The following PDLIM1 variants were observed in gnomAD, a reference collection of about 807,000 sequenced individuals.
PDLIM1 encodes the protein PDZ and LIM domain protein 1.
Under a neutral mutation model 35.2 loss-of-function variants are expected in PDLIM1, and 25 were observed. The observed-to-expected ratio is 0.71, with a 90% CI of 0.52 to 0.99. The LOEUF (loss-of-function observed/expected upper bound fraction) is 0.99. Ranked by LOEUF, PDLIM1 falls within the 50% of genes least tolerant of loss-of-function variation. The probability of loss-of-function intolerance (pLI) is 0.00; values close to 1 mark genes in which losing one functional copy is unlikely to be tolerated. For synonymous variants in PDLIM1, 152 were observed against 154.0 expected (o/e 0.99, Z 0.10); for missense variants, 363 against 415.3 (o/e 0.87, Z 1.09).
chr10:95,277,886 T>G (rs2035526534), intron 1 of PDLIM1, among the ~76,000 whole-genome samples: 1 of 152,218 alleles, frequency 6.6e-6, no homozygotes, highest in South Asian at 2.1e-4. Flanking sequence ...GAAGTTTAAC[T>G]GCACTTCTAA....
chr10:95,253,435 A>G (rs11594748), intron 4 of PDLIM1, among the ~76,000 whole-genome samples: 35,255 of 152,180 alleles, frequency 0.23, 4,674 homozygotes, highest in Non-Finnish European at 0.31. Context: ...ATGGTGGCTC[A>G]CCTGAGGTGA....
rs748836350 is a variant in PDLIM1 at position 95,290,929 on chromosome 10, C to T, written c.-14G>A. On this transcript the variant is annotated 5_prime_UTR_variant, in exon 1 of 7. Transcript: ENST00000329399. The surrounding 1 kb of genome is among the most constrained non-coding windows in gnomAD (Gnocchi z 4.7). ...CTGGGTGGTCATGGCGCGGCTGTGG[C>T]GGGCGACGACCCGCGGGGACAGACG... 3.3e-6 allele frequency: 5 copies of T among 1,520,296 alleles called. No individual in the cohort carries two copies. The South Asian group carries it at 6.0e-5, about 18-fold the overall frequency. The allele number at this position is 1,520,296 out of a possible 1,614,324, so 94.2% of individuals were successfully genotyped here.
intron 3 of PDLIM1, among the ~76,000 whole-genome samples, chr10:95,265,369 C>T (rs1392768383): frequency 4.0e-5 from 6 of 150,210 alleles, no homozygotes; most frequent in Non-Finnish European, 5.9e-5. Context: ...CCGAGGCGGG[C>T]GGATCACCTG....
At position 95,258,065 on chromosome 10, in the gene PDLIM1, A is replaced by G. The variant is rs370445665; in HGVS notation, c.533+5799T>C. 7.2e-5 allele frequency among the ~76,000 whole-genome samples: 11 copies of G among 152,328 alleles called. No homozygotes were observed. In the East Asian group the frequency reaches 1.7e-3, roughly 24 times the overall value. ...AGCAAGTCACATCTTACATGGATGGAGCAGGCAAAGAGAGAGAGAGCTGGT... is the reference window on the plus strand; with the variant it reads ...AGCAAGTCACATCTTACATGGATGGGGCAGGCAAAGAGAGAGAGAGCTGGT... On this transcript the variant is annotated intron_variant, in intron 4 of 6. Coordinates refer to ENST00000329399, the MANE Select transcript of PDLIM1 (RefSeq NM_020992.4).
At chr10:95,242,066 C>T (rs1282482063) in intron 5 of PDLIM1, among the ~76,000 whole-genome samples, 1 of 152,190 alleles carries the variant, frequency 6.6e-6, no homozygotes, top group African/African-American at 2.4e-5. Context: ...GGAACCGATG[C>T]ACACAGATGT....
chr10:95,289,364 C>A (rs941566873), intron 1 of PDLIM1, among the ~76,000 whole-genome samples: 3 of 152,134 alleles, frequency 2.0e-5, no homozygotes, highest in African/African-American at 4.8e-5. Context: ...ACAGTTCCTG[C>A]GCTTGAGGAA....
intron 5 of PDLIM1, among the ~76,000 whole-genome samples, chr10:95,245,827 G>A (rs549389452): frequency 2.9e-4 from 44 of 152,300 alleles, no homozygotes; most frequent in Middle Eastern, 3.4e-3. Flanking sequence ...TCACACAAAT[G>A]GGGAGGAAGC....
chr10:95,251,234 CTT>C (rs5787127), intron 4 of PDLIM1, among the ~76,000 whole-genome samples: 15 of 143,060 alleles, frequency 1.0e-4, no homozygotes, highest in East Asian at 2.1e-4. Context: ...ATATAAGGGG[CTT>C]TTTTTTTTTT....
In PDLIM1 at chr10:95,262,008, CAA is replaced by C. The variant is rs11344355; in HGVS notation, c.533+1854_533+1855del. On this transcript the variant is annotated intron_variant, in intron 4 of 6. Coordinates refer to ENST00000329399, the MANE Select transcript of PDLIM1 (RefSeq NM_020992.4). ...AGGCAACAAGAGTGAAACTCCGTCT[CAA>C]AAAAAAAAAAAAAGAAAGAAAGAAA... Among the ~76,000 whole-genome samples the C allele has an allele frequency of 6.4e-3, 763 of 119,964 alleles. 5 individuals carry two copies. The highest frequency in any genetic ancestry group is 0.02 in the African/African-American group (619 of 30,928). 78.7% of individuals were successfully genotyped at this position (119,964 alleles called of 152,430 possible). A position where few individuals can be genotyped will look rare whatever the true frequency, so the allele number is the denominator to read the frequency against.
Position 95,237,585 on chromosome 10 carries a change from C to A in PDLIM1, c.*340G>T. On this transcript the variant is annotated 3_prime_UTR_variant, in exon 7 of 7. Coordinates refer to ENST00000329399, the MANE Select transcript of PDLIM1 (RefSeq NM_020992.4). ...ACACCACACTGCTTTGTAGTCTATA[C>A]ATTTATTGAGTAAAAACAAAATCAG... 1 of 265,870 alleles carries A rather than the reference C, an allele frequency of 3.8e-6. No homozygotes were observed. Among genetic ancestry groups the A allele is most frequent in the Admixed American group, 4.9e-5 (1 of 20,320 alleles). The allele number at this position is 265,870 out of a possible 1,614,324, so 16.5% of individuals were successfully genotyped here.
chr10:95,256,986 AAAAG>A (rs71034327), intron 4 of PDLIM1, among the ~76,000 whole-genome samples: 1,561 of 61,664 alleles, frequency 0.025, 35 homozygotes, highest in East Asian at 0.034. Context: ...AAAAAAAAAA[AAAAG>A]AAAGAAAGAA....
intron 1 of PDLIM1, among the ~76,000 whole-genome samples, chr10:95,280,720 C>A (rs1273632535): frequency 6.6e-6 from 1 of 152,146 alleles, no homozygotes; most frequent in African/African-American, 2.4e-5. Context: ...AGGGAAAAAC[C>A]GTGTCTATTC....
At chr10:95,283,089 T>C in intron 1 of PDLIM1, among the ~76,000 whole-genome samples, 1 of 152,214 alleles carries the variant, frequency 6.6e-6, no homozygotes, top group Admixed American at 6.5e-5. Context: ...CTCAGTATCT[T>C]CATTTATCAA....
intron 2 of PDLIM1, among the ~76,000 whole-genome samples, chr10:95,270,279 A>G (rs1204076760): frequency 1.3e-5 from 2 of 152,000 alleles, no homozygotes; most frequent in African/African-American, 4.8e-5. Flanking sequence ...GAAGTGTACA[A>G]AATATTTTTA....
intron 4 of PDLIM1, among the ~76,000 whole-genome samples, chr10:95,251,378 G>A (rs1338693891): frequency 1.3e-5 from 2 of 152,060 alleles, no homozygotes; most frequent in Admixed American, 6.6e-5. Flanking sequence ...TTCGAGACCA[G>A]CCTAGGCAAC....
intron 4 of PDLIM1, among the ~76,000 whole-genome samples, chr10:95,248,894 T>TCTGCTCAAGTGCA (rs2035244924): frequency 6.6e-6 from 1 of 152,228 alleles, no homozygotes; most frequent in Non-Finnish European, 1.5e-5. Flanking sequence ...CATCCAGGTC[T>TCTGCTCAAGTGCA]CTGCTCAAGT....
intron 1 of PDLIM1, among the ~76,000 whole-genome samples, chr10:95,284,288 T>G (rs916195467): frequency 6.6e-6 from 1 of 152,160 alleles, no homozygotes; most frequent in African/African-American, 2.4e-5. Flanking sequence ...CATAAGTATT[T>G]TTTATTATTT....
At chr10:95,287,245 G>A (rs976399854) in intron 1 of PDLIM1, among the ~76,000 whole-genome samples, 5 of 152,110 alleles carry the variant, frequency 3.3e-5, no homozygotes, top group African/African-American at 1.2e-4. Context: ...AAAACATAAT[G>A]ACCCTTTTTG....
intron 1 of PDLIM1, among the ~76,000 whole-genome samples, chr10:95,279,295 A>G (rs1489974577): frequency 1.3e-5 from 2 of 152,202 alleles, no homozygotes; most frequent in Non-Finnish European, 2.9e-5. Flanking sequence ...ATTTATGATC[A>G]TTCTTGCAGC....
Sources: gnomAD v4.1 joint callset for allele counts (sites outside exome capture counted in the v4.1 genomes callset) on GRCh38, gnomAD v4.1.1 for gene constraint, Gnocchi (gnomAD v3.1) non-coding constraint, MANE v1.5 for transcripts, NCBI Gene and HGNC (gene_info 2026-07-23, HGNC 2026-07-21) for gene names.